GPR89A: variants seen among roughly 807,000 people sequenced by gnomAD.
GPR89A encodes the protein golgi pH regulator A.
A neutral mutation model predicts 52.0 loss-of-function variants in GPR89A; 16 were observed. The observed-to-expected ratio is 0.31, with a 90% CI of 0.21 to 0.47. The LOEUF (loss-of-function observed/expected upper bound fraction) is 0.47, where lower values mean the gene tolerates loss of function less well. Among genes scored for constraint, GPR89A ranks in the 20% least tolerant of loss-of-function variants. GPR89A has a pLI of 1.00. For synonymous variants in GPR89A, 55 were observed against 150.9 expected, an observed-to-expected ratio of 0.36 and a Z score of 4.66; for missense variants, 135 against 449.4, an observed-to-expected ratio of 0.30 and a Z score of 6.33.
At chr1:145,657,516 G>T (rs1216286802) in intron 10 of GPR89A, among the ~76,000 whole-genome samples, 1 of 151,964 alleles carries the variant, frequency 6.6e-6, no homozygotes, top group Non-Finnish European at 1.5e-5. Context: ...GAGTTGAGAA[G>T]TACTGCCACC....
intron 7 of GPR89A, among the ~76,000 whole-genome samples, chr1:145,632,703 CATAGGTGTACAGAT>C: frequency 6.6e-6 from 1 of 152,266 alleles, no homozygotes; most frequent in Admixed American, 6.5e-5. Flanking sequence ...CTGCAGTGAA[CATAGGTGTACAGAT>C]ATCTCTTTGA....
At chr1:145,613,571 A>C (rs1408387452) in intron 1 of GPR89A, among the ~76,000 whole-genome samples, 12 of 151,778 alleles carry the variant, frequency 7.9e-5, no homozygotes, top group Non-Finnish European at 1.5e-4. Context: ...GGTGGCCTTC[A>C]AAGCTCTCAG....
At chr1:145,611,236 G>T (rs1414604954) in intron 1 of GPR89A, among the ~76,000 whole-genome samples, 1 of 139,894 alleles carries the variant, frequency 7.1e-6, no homozygotes, top group Non-Finnish European at 1.5e-5. Flanking sequence ...TTTGGTACTT[G>T]TGCCGGGTAT....
At chr1:145,649,514 G>A (rs1353139903) in intron 10 of GPR89A, among the ~76,000 whole-genome samples, 1 of 149,816 alleles carries the variant, frequency 6.7e-6, no homozygotes, top group African/African-American at 2.4e-5. Context: ...TGTTTCCGTG[G>A]TTTGGACGTG....
intron 10 of GPR89A, among the ~76,000 whole-genome samples, chr1:145,659,123 T>G (rs1361718107): frequency 6.6e-6 from 1 of 152,108 alleles, no homozygotes; most frequent in Non-Finnish European, 1.5e-5. Flanking sequence ...TTCTCTTATG[T>G]GTATATCTAG....
chr1:145,613,780 G>GT (rs1648469977), intron 1 of GPR89A, among the ~76,000 whole-genome samples: 1 of 150,360 alleles, frequency 6.7e-6, no homozygotes, highest in Non-Finnish European at 1.5e-5. Context: ...TACCTGATTC[G>GT]TTTTTTGTTT....
chr1:145,626,257 A>G (rs1380119203), intron 5 of GPR89A, among the ~76,000 whole-genome samples: 2 of 151,640 alleles, frequency 1.3e-5, no homozygotes, highest in African/African-American at 4.9e-5. Flanking sequence ...ATGCACTACA[A>G]AGACCCGACT....
chr1:145,616,342 C>T, intron 2 of GPR89A, 49 bp downstream of exon 2: 2 of 1,492,616 alleles, frequency 1.3e-6, no homozygotes, highest in South Asian at 2.4e-5. Flanking sequence ...TTTAGATTGA[C>T]AAGAAAAATG....
chr1:145,660,053 C>A (rs1170473415), intron 10 of GPR89A, among the ~76,000 whole-genome samples: 1 of 151,868 alleles, frequency 6.6e-6, no homozygotes, highest in Non-Finnish European at 1.5e-5. Context: ...GGAGTTCACT[C>A]ATGATTTGTC....
At chr1:145,609,050 G>A (rs35144596) in intron 1 of GPR89A, among the ~76,000 whole-genome samples, 65 of 152,260 alleles carry the variant, frequency 4.3e-4, no homozygotes, top group Non-Finnish European at 8.4e-4. Context: ...CCACTTCCAA[G>A]TGCAGGCATT....
At chr1:145,666,774 G>T (rs112053125) in intron 12 of GPR89A, among the ~76,000 whole-genome samples, 1 of 142,694 alleles carries the variant, frequency 7.0e-6, no homozygotes, top group Non-Finnish European at 1.5e-5. Context: ...TCATTGTTCA[G>T]TTCCCACCTA....
chr1:145,611,961 A>G (rs587759461), intron 1 of GPR89A, among the ~76,000 whole-genome samples: 369 of 152,148 alleles, frequency 2.4e-3, no homozygotes, highest in Non-Finnish European at 3.0e-3. Context: ...TCATGTATAT[A>G]TAAGTCCACA....
intron 10 of GPR89A, among the ~76,000 whole-genome samples, chr1:145,661,963 CTAATT>C (rs1313473636): frequency 2.0e-5 from 3 of 151,938 alleles, no homozygotes; most frequent in Non-Finnish European, 4.4e-5. Flanking sequence ...TAATTAATTT[CTAATT>C]TAATTTCATG....
intron 10 of GPR89A, among the ~76,000 whole-genome samples, chr1:145,655,491 C>CT (rs879993569): frequency 5.3e-5 from 8 of 152,050 alleles, no homozygotes; most frequent in South Asian, 2.1e-4. Flanking sequence ...TTTGTGGGGT[C>CT]TTTTTTTGTT....
chr1:145,639,746 C>A (rs1255326926), intron 7 of GPR89A, among the ~76,000 whole-genome samples: 397 of 130,964 alleles, frequency 3.0e-3, no homozygotes, highest in Admixed American at 3.8e-3. Context: ...AACTCTGTCT[C>A]AAAAAAAAAA....
chr1:145,668,195 AT>A (rs1652710278), intron 12 of GPR89A, among the ~76,000 whole-genome samples: 1 of 152,180 alleles, frequency 6.6e-6, no homozygotes, highest in African/African-American at 2.4e-5. Flanking sequence ...GATTCTTCCT[AT>A]CCATGAGCAT....
At chr1:145,646,952 T>G (rs1299754173) in intron 9 of GPR89A, 1 of 641,718 alleles carries the variant, frequency 1.6e-6, no homozygotes, top group Non-Finnish European at 2.6e-6. Flanking sequence ...AGAATTGTTA[T>G]GAAGATTAAG....
chr1:145,655,402 G>A (rs1177615443), intron 10 of GPR89A, among the ~76,000 whole-genome samples: 4 of 151,142 alleles, frequency 2.6e-5, no homozygotes, highest in Admixed American at 6.6e-5. Context: ...AGTTGTCACC[G>A]TTTTTGTGTT....
At chr1:145,647,020 A>G in intron 9 of GPR89A, 155 bp from the exon 10 acceptor site, 7 of 1,131,904 alleles carry the variant, frequency 6.2e-6, no homozygotes, top group Non-Finnish European at 8.6e-6. Context: ...GCATTCAGTA[A>G]ATGCTGGCCA....
Sources: gnomAD v4.1 joint callset for allele counts (sites outside exome capture counted in the v4.1 genomes callset) on GRCh38, gnomAD v4.1.1 for gene constraint, MANE v1.5 for transcripts, NCBI Gene and HGNC (gene_info 2026-07-23, HGNC 2026-07-21) for gene names.